Variants in DIPK2B observed in about 807,000 individuals in gnomAD.
DIPK2B encodes UPF0672 protein CXorf36.
A neutral mutation model predicts 22.2 loss-of-function variants in DIPK2B; 15 were observed. The observed-to-expected ratio is 0.68, with a 90% CI of 0.45 to 1.04. DIPK2B has a LOEUF of 1.04. DIPK2B is among the 50% of genes least tolerant of loss of function. The pLI is 0.00. For missense variants in DIPK2B, 345 were observed against 348.3 expected, an observed-to-expected ratio of 0.99 and a Z score of 0.08; for synonymous variants, 163 against 153.2, an observed-to-expected ratio of 1.06 and a Z score of -0.47.
In DIPK2B at chrX:45,153,927, A is replaced by T; in HGVS notation, c.944T>A (p.Val315Asp). 8 of 1,209,757 alleles carry T rather than the reference A, an allele frequency of 6.6e-6. No homozygotes were observed. Among genetic ancestry groups the T allele is most frequent in the South Asian group, 1.8e-5 (1 of 56,809 alleles). Reference protein sequence around the residue: ...LFIRDASAVGVIDKQEGSQEA... With the variant: ...LFIRDASAVGDIDKQEGSQEA... ...CTGAGTACCTTCCTGCTTGTCGATG[A>T]CGCCCACTGCACTGGCATCCCGGAT... The change falls in exon 4 of 5, where the codon GTC (valine) becomes GAC (aspartate). Residue 315 changes from valine to aspartate, a missense_variant. Transcript: ENST00000398000.
At chrX:45,171,142 G>A (rs993564369) in intron 2 of DIPK2B, among the ~76,000 whole-genome samples, 2 of 111,353 alleles carry the variant, frequency 1.8e-5, no homozygotes, top group East Asian at 2.8e-4. Context: ...CAGATCTCAC[G>A]TGCTGTCACC....
chrX:45,161,289 C>T (rs2047021515), intron 2 of DIPK2B, among the ~76,000 whole-genome samples: 1 of 112,480 alleles, frequency 8.9e-6, no homozygotes, highest in Non-Finnish European at 1.9e-5. Context: ...TGCCTGTTAT[C>T]CCAGCACTTC....
chrX:45,177,611 C>T (rs138879592), intron 2 of DIPK2B, among the ~76,000 whole-genome samples: 1,313 of 111,306 alleles, frequency 0.012, 21 homozygotes, highest in African/African-American at 0.041. Context: ...CATGCTTCTA[C>T]AGCTTGCAGA....
At chrX:45,182,717 G>A (rs1159719463) in intron 2 of DIPK2B, among the ~76,000 whole-genome samples, 1 of 113,178 alleles carries the variant, frequency 8.8e-6, no homozygotes, top group Admixed American at 9.3e-5. Flanking sequence ...CACCAACCAC[G>A]GATTCACGCA....
intron 2 of DIPK2B, among the ~76,000 whole-genome samples, chrX:45,189,702 C>A (rs750949864): frequency 8.1e-5 from 9 of 111,369 alleles, no homozygotes; most frequent in Non-Finnish European, 1.7e-4. Context: ...ACACCCTGGG[C>A]CCGCTGTGGA....
intron 2 of DIPK2B, among the ~76,000 whole-genome samples, chrX:45,178,470 C>T (rs766201332): frequency 1.9e-4 from 21 of 111,382 alleles, no homozygotes; most frequent in Non-Finnish European, 4.0e-4. Flanking sequence ...AAATACAAAA[C>T]AACTCTTTGC....
chrX:45,164,614 G>T (rs2148337227), intron 2 of DIPK2B, among the ~76,000 whole-genome samples: 1 of 111,867 alleles, frequency 8.9e-6, no homozygotes, highest in Admixed American at 9.5e-5. Context: ...GGGCCTGTTG[G>T]GGGTTGGGAG....
chrX:45,163,866 G>C (rs781125046), intron 2 of DIPK2B: 2 of 839,593 alleles, frequency 2.4e-6, no homozygotes, highest in South Asian at 1.3e-4. Context: ...TGTCCAGACT[G>C]AGAATCTTGC....
chrX:45,151,472 G>T lies in DIPK2B; in HGVS notation c.*180C>A. 4.1e-6 allele frequency: 2 copies of T among 484,226 alleles called. No homozygotes were observed. The highest frequency in any genetic ancestry group is 3.4e-6 in the Non-Finnish European group (1 of 293,499). 39.9% of individuals were successfully genotyped at this position (484,226 alleles called of 1,213,427 possible). Reference sequence around the variant, plus strand: ...TGCCCACCGCGGGCTTTGCCAGGACGTCCCAGCCAGCAGAGACAGCCACGT... The same window carrying T: ...TGCCCACCGCGGGCTTTGCCAGGACTTCCCAGCCAGCAGAGACAGCCACGT... On this transcript the variant is annotated 3_prime_UTR_variant, in exon 5 of 5. Coordinates refer to ENST00000398000, the MANE Select transcript of DIPK2B (RefSeq NM_176819.4).
Position 45,151,794 on chromosome X carries a change from A to G in DIPK2B, c.1160T>C (p.Val387Ala), listed in dbSNP as rs1603092004. ...PVQDDIDSILVQCGDSIRPDP... is the reference protein window; with the variant it reads ...PVQDDIDSILAQCGDSIRPDP... ...TGGGCGGATGCTGTCCCCACACTGA[A>G]CAAGGATGGAGTCTATGTCGTCTTG... The change falls in exon 5 of 5, where the codon GTT becomes GCT. Residue 387 changes from valine to alanine, a missense_variant. Coordinates refer to ENST00000398000, the MANE Select transcript of DIPK2B (RefSeq NM_176819.4). 10 of 1,211,912 alleles carry G rather than the reference A, an allele frequency of 8.3e-6. No homozygotes were observed. Among genetic ancestry groups the G allele is most frequent in the Non-Finnish European group, 1.1e-5 (10 of 895,466 alleles).
intron 1 of DIPK2B, among the ~76,000 whole-genome samples, chrX:45,194,297 T>C (rs1381752275): frequency 9.1e-6 from 1 of 110,022 alleles, no homozygotes; most frequent in Non-Finnish European, 1.9e-5. Context: ...TCACCCAGAC[T>C]AGAGTGCAGT....
At chrX:45,171,697 AC>A (rs1248810113) in intron 2 of DIPK2B, among the ~76,000 whole-genome samples, 1 of 110,609 alleles carries the variant, frequency 9.0e-6, no homozygotes, top group East Asian at 2.8e-4. Flanking sequence ...TTTAGGCCAC[AC>A]CCCCTCCAGG....
rs113511770 is a variant in DIPK2B at position 45,152,855 on chromosome X, C to T, written c.962-863G>A. On this transcript the variant is annotated intron_variant, in intron 4 of 4. Coordinates refer to ENST00000398000, the MANE Select transcript of DIPK2B (RefSeq NM_176819.4). ...CTGAGGCAGGAGAATCGCTTGAACC[C>T]GGGAGGCAGAGGTTGCAGTGAGCCA... is the stretch of plus-strand genomic sequence containing the variant. Among the ~76,000 whole-genome samples, 550 of 110,781 alleles carry T rather than the reference C, an allele frequency of 5.0e-3. 4 individuals carry two copies. The highest frequency in any genetic ancestry group is 0.017 in the African/African-American group (521 of 30,385).
chrX:45,155,633 T>C (rs1414569722), intron 3 of DIPK2B, among the ~76,000 whole-genome samples: 3 of 108,677 alleles, frequency 2.8e-5, no homozygotes, highest in Non-Finnish European at 5.7e-5. Flanking sequence ...GTTCCCCAAC[T>C]AACTGGAACC....
At position 45,149,119 on chromosome X, in the gene DIPK2B, C is replaced by G. The variant is rs2046947962; in HGVS notation, c.*2533G>C. 1 of 112,744 alleles carries G rather than the reference C, an allele frequency of 8.9e-6. No individual in the cohort carries two copies. Among genetic ancestry groups the G allele is most frequent in the Admixed American group, 9.4e-5 (1 of 10,695 alleles). The allele number at this position is 112,744 out of a possible 1,213,427, so 9.3% of individuals were successfully genotyped here. ...GGTTACCTCAGACCACATGCTGACC[C>G]ACGCAGGGCCAAAGTCGCTCATTGT... On this transcript the variant is annotated 3_prime_UTR_variant, in exon 5 of 5. Transcript: ENST00000398000.
chrX:45,197,280 C>A (rs1201180779), intron 1 of DIPK2B, among the ~76,000 whole-genome samples: 2 of 109,509 alleles, frequency 1.8e-5, no homozygotes, highest in African/African-American at 6.7e-5. Context: ...CTCTTTCACC[C>A]AGGCTGGAGT....
intron 2 of DIPK2B, chrX:45,164,385 G>T: frequency 1.5e-6 from 1 of 651,784 alleles, no homozygotes; most frequent in Non-Finnish European, 2.2e-6. Context: ...ATACTCCCAT[G>T]TTCCAGTTGG....
chrX:45,154,314 T>C, intron 3 of DIPK2B, 116 bp from the exon 4 acceptor site: 2 of 584,827 alleles, frequency 3.4e-6, no homozygotes, highest in Non-Finnish European at 4.9e-6. Flanking sequence ...TATCTATCTA[T>C]CTATCTGTCT....
At chrX:45,159,133 T>C (rs915129093) in intron 2 of DIPK2B, among the ~76,000 whole-genome samples, 1 of 110,196 alleles carries the variant, frequency 9.1e-6, no homozygotes, top group African/African-American at 3.3e-5. Flanking sequence ...AGATGATCAT[T>C]GGGGAGCAGG....
Sources: gnomAD v4.1 joint callset for allele counts (sites outside exome capture counted in the v4.1 genomes callset) on GRCh38, gnomAD v4.1.1 for gene constraint, MANE v1.5 for transcripts, NCBI Gene and HGNC (gene_info 2026-07-23, HGNC 2026-07-21) for gene names.